Variants in HDX observed in about 807,000 individuals in gnomAD.
The protein encoded by HDX is highly divergent homeobox.
Under a neutral mutation model 45.2 loss-of-function variants are expected in HDX, and 19 were observed. That is an observed-to-expected ratio of 0.42 (90% CI 0.29 to 0.62). The LOEUF (loss-of-function observed/expected upper bound fraction) is 0.62, where lower values mean the gene tolerates loss of function less well. Ranked by LOEUF, HDX falls within the 20% of genes least tolerant of loss-of-function variation. The pLI, the probability that HDX is intolerant of heterozygous loss-of-function variation, is 0.20. For synonymous variants in HDX, 188 were observed against 172.8 expected (o/e 1.09, Z -0.69); for missense variants, 532 against 493.9 (o/e 1.08, Z -0.73).
chrX:84,438,601 G>A (rs1373365204), intron 5 of HDX, among the ~76,000 whole-genome samples: 1 of 107,864 alleles, frequency 9.3e-6, no homozygotes, highest in East Asian at 2.9e-4. Context: ...GTGATCATGT[G>A]TATTCAATGT....
rs1270354776 is a variant in HDX at position 84,332,026 on chromosome X, C to CACT, written c.1824+1730_1824+1732dup. On this transcript the variant is annotated intron_variant, in intron 9 of 10. Transcript: ENST00000373177. ...GTGGTTTTCATCCCCAAACAAGAAACACTAGTATGTGTATATAACTAGGGT... is the reference window on the plus strand; with the variant it reads ...GTGGTTTTCATCCCCAAACAAGAAACACTACTAGTATGTGTATATAACTAGGGT... Among the ~76,000 whole-genome samples the CACT allele has an allele frequency of 2.7e-5, 3 of 111,242 alleles. No individual in the cohort carries two copies. In the South Asian group the frequency reaches 1.1e-3, roughly 41 times the overall value.
chrX:84,421,914 A>G (rs6616940), intron 5 of HDX, among the ~76,000 whole-genome samples: 7,962 of 110,776 alleles, frequency 0.072, 434 homozygotes, highest in East Asian at 0.42. Context: ...TATAAAGCAA[A>G]TATTACAGCT....
chrX:84,476,458 T>C (rs1054041497), intron 2 of HDX, among the ~76,000 whole-genome samples: 24 of 104,777 alleles, frequency 2.3e-4, no homozygotes, highest in Admixed American at 1.7e-3. Context: ...GGTAGGAGGA[T>C]TGCTTGAGCC....
At chrX:84,415,885 A>T (rs1196181357) in intron 5 of HDX, among the ~76,000 whole-genome samples, 1 of 112,192 alleles carries the variant, frequency 8.9e-6, no homozygotes, top group Non-Finnish European at 1.9e-5. Flanking sequence ...AACAGTGTGC[A>T]TTATGAAGTG....
intron 5 of HDX, 48 bp downstream of exon 5, chrX:84,440,483 AC>A: frequency 1.1e-6 from 1 of 887,473 alleles, no homozygotes; most frequent in Non-Finnish European, 1.6e-6. Context: ...ATTTTTACTA[AC>A]AGCACAAGGG....
At chrX:84,322,778 T>C (rs1376072750) in intron 10 of HDX, among the ~76,000 whole-genome samples, 1 of 111,449 alleles carries the variant, frequency 9.0e-6, no homozygotes, top group Non-Finnish European at 1.9e-5. Flanking sequence ...AATCAAGTTT[T>C]ACGCAGCTGA....
At chrX:84,372,287 T>C (rs1416692297) in intron 5 of HDX, among the ~76,000 whole-genome samples, 1 of 112,138 alleles carries the variant, frequency 8.9e-6, no homozygotes, top group Admixed American at 9.5e-5. Flanking sequence ...AGTATTTTTT[T>C]GGCATCATGT....
At chrX:84,351,678 G>A (rs986574921) in intron 6 of HDX, among the ~76,000 whole-genome samples, 3 of 111,109 alleles carry the variant, frequency 2.7e-5, no homozygotes, top group African/African-American at 9.8e-5. Flanking sequence ...GGTATATGAA[G>A]CAAAAGAAAA....
At chrX:84,471,056 T>C (rs961029167) in intron 3 of HDX, among the ~76,000 whole-genome samples, 2 of 112,003 alleles carry the variant, frequency 1.8e-5, no homozygotes, top group East Asian at 5.6e-4. Flanking sequence ...GAACTAGCCT[T>C]GAACAAACAA....
At chrX:84,455,179 C>A (rs970405900) in intron 4 of HDX, among the ~76,000 whole-genome samples, 6 of 111,660 alleles carry the variant, frequency 5.4e-5, no homozygotes, top group Non-Finnish European at 9.4e-5. Flanking sequence ...AGACGAACAT[C>A]CACAACCATC....
intron 5 of HDX, among the ~76,000 whole-genome samples, chrX:84,396,869 T>C (rs767867312): frequency 9.9e-5 from 11 of 111,119 alleles, no homozygotes; most frequent in Non-Finnish European, 1.9e-4. Flanking sequence ...TAAATGGGCA[T>C]GTTCTAGGGC....
chrX:84,421,598 A>G (rs897072689), intron 5 of HDX, among the ~76,000 whole-genome samples: 4 of 109,034 alleles, frequency 3.7e-5, no homozygotes, highest in Non-Finnish European at 5.7e-5. Context: ...AATTGACTAA[A>G]CCCTACAATC....
At position 84,394,935 on chromosome X, in the gene HDX, C is replaced by CT. The variant is rs747986441; in HGVS notation, c.1306-33324dup. Among the ~76,000 whole-genome samples the CT allele has an allele frequency of 2.2e-3, 240 of 111,040 alleles. 2 individuals carry two copies. The highest frequency in any genetic ancestry group is 7.5e-3 in the African/African-American group (231 of 30,676). ...GTGTAGGCAGCATATAACTGGGTCA[C>CT]TTTTTTTATTCAGCATGTCTACATC... On this transcript the variant is annotated intron_variant, in intron 5 of 10. Transcript: ENST00000373177.
At chrX:84,339,189 T>C (rs1448567693) in intron 7 of HDX, among the ~76,000 whole-genome samples, 1 of 110,955 alleles carries the variant, frequency 9.0e-6, no homozygotes, top group African/African-American at 3.3e-5. Flanking sequence ...TAAAAACAGG[T>C]CAATTTAATT....
Position 84,383,432 on chromosome X carries a change from G to GA in HDX, c.1306-21821dup, listed in dbSNP as rs766196587. On this transcript the variant is annotated intron_variant, in intron 5 of 10. Transcript: ENST00000373177. The stretch of plus-strand genomic sequence containing the variant: ...TATAGTTTATTCTGTAAGTAAAACT[G>GA]AAAAAACTAAGCTTAAGTATATTGT... Among the ~76,000 whole-genome samples, 12 of 111,542 alleles carry GA rather than the reference G, an allele frequency of 1.1e-4. No homozygotes were observed. In the East Asian group the frequency reaches 3.1e-3, roughly 29 times the overall value.
intron 1 of HDX, among the ~76,000 whole-genome samples, chrX:84,488,524 A>T (rs2040838562): frequency 9.0e-6 from 1 of 111,515 alleles, no homozygotes; most frequent in Admixed American, 9.5e-5. Context: ...TTTCTTGGCC[A>T]CAAAAATAAA....
At chrX:84,370,439 T>A (rs954274305) in intron 5 of HDX, among the ~76,000 whole-genome samples, 1 of 111,644 alleles carries the variant, frequency 9.0e-6, no homozygotes, top group African/African-American at 3.3e-5. Context: ...ATAAACCACT[T>A]ACCATCACAA....
intron 5 of HDX, among the ~76,000 whole-genome samples, chrX:84,402,668 T>A (rs756026946): frequency 2.7e-5 from 3 of 111,630 alleles, no homozygotes; most frequent in Non-Finnish European, 5.7e-5. Flanking sequence ...TTTGTGAGAA[T>A]GTAAATTTTC....
At chrX:84,349,399 ATATATGTG>A (rs1419218844) in intron 6 of HDX, among the ~76,000 whole-genome samples, 41 of 89,621 alleles carry the variant, frequency 4.6e-4, no homozygotes, top group African/African-American at 1.3e-3. Flanking sequence ...AATTATATAT[ATATATGTG>A]TGTGTGTGTG....
Sources: allele counts gnomAD v4.1 joint callset (sites outside exome capture counted in the v4.1 genomes callset), GRCh38; gene constraint gnomAD v4.1.1; transcripts MANE v1.5; gene names NCBI Gene and HGNC (gene_info 2026-07-23, HGNC 2026-07-21).